RFX1: variants seen among roughly 807,000 people sequenced by gnomAD.
RFX1 encodes the protein regulatory factor X1, also known as MHC class II regulatory factor RFX1.
Under a neutral mutation model 119.6 loss-of-function variants are expected in RFX1, and 42 were observed. That is an observed-to-expected ratio of 0.35 (90% confidence interval 0.27 to 0.45). RFX1 has a LOEUF of 0.45. Ranked by LOEUF, RFX1 falls within the 20% of genes least tolerant of loss-of-function variation. The pLI is 1.00. For synonymous variants in RFX1, 628 were observed against 618.5 expected, an observed-to-expected ratio of 1.02 and a Z score of -0.23; for missense variants, 1,118 against 1,368.1, an observed-to-expected ratio of 0.82 and a Z score of 2.88.
In RFX1 at chr19:13,980,679, A is replaced by C. The variant is rs781108974; in HGVS notation, c.632T>G (p.Val211Gly). 49 of 1,586,560 alleles carry C rather than the reference A, an allele frequency of 3.1e-5. No homozygotes were observed. Among genetic ancestry groups the C allele is most frequent in the Non-Finnish European group, 3.9e-5 (46 of 1,172,218 alleles). The change falls in exon 6 of 21, where the codon GTG becomes GGG. Residue 211 changes from valine (V) to glycine (G), a missense_variant. Coordinates refer to ENST00000254325, the MANE Select transcript of RFX1 (RefSeq NM_002918.5). This position sits in a 1 kb window ranked among gnomAD's most constrained non-coding sequence, Gnocchi z 5.1. Reference sequence around the variant, plus strand: ...CTTGCTGGAAGAGCTGTTGGCCTGCACCGGCGACTGCTGTAAGGGAAGGAG... The same window carrying C: ...CTTGCTGGAAGAGCTGTTGGCCTGCCCCGGCGACTGCTGTAAGGGAAGGAG... ...QVHSPPEQSP[V>G]QANSSSSKTA... is the part of the protein sequence containing the mutation.
chr19:14,004,153 G>A (rs1384965855), intron 1 of RFX1, among the ~76,000 whole-genome samples: 2 of 151,990 alleles, frequency 1.3e-5, no homozygotes, highest in African/African-American at 4.8e-5. Flanking sequence ...GCCCACCTCA[G>A]CCTCCCAAAG....
At chr19:14,001,374 C>T (rs1235870341) in intron 1 of RFX1, among the ~76,000 whole-genome samples, 1 of 152,148 alleles carries the variant, frequency 6.6e-6, no homozygotes, top group Non-Finnish European at 1.5e-5. Context: ...AATCACAGCT[C>T]ACTGTAACCT....
In RFX1 at chr19:13,966,577, C is replaced by A. The variant is rs1315810514; in HGVS notation, c.1852-47G>T. 3.3e-6 allele frequency: 5 copies of A among 1,522,570 alleles called. No homozygotes were observed. In the Admixed American group the frequency reaches 7.4e-5, roughly 23 times the overall value. The allele number at this position is 1,522,570 out of a possible 1,614,324, so 94.3% of individuals were successfully genotyped here. On this transcript the variant is annotated intron_variant, in intron 13 of 20. Coordinates refer to ENST00000254325, the MANE Select transcript of RFX1 (RefSeq NM_002918.5). This position sits in a 1 kb window ranked among gnomAD's most constrained non-coding sequence, Gnocchi z 6.3. ...AGGGAGGCTGGGGGGCAGCATGGCC[C>A]TCCCATGCCCGTGGCTGCGTCCCCG... is the stretch of plus-strand genomic sequence containing the variant.
chr19:13,972,617 TCTC>T, intron 9 of RFX1, 123 bp downstream of exon 9: 1 of 684,006 alleles, frequency 1.5e-6, no homozygotes, highest in South Asian at 1.9e-5. Flanking sequence ...CTGCATATGT[TCTC>T]TTCATTGGGG....
At chr19:13,977,495 C>A (rs1974284888) in intron 8 of RFX1, among the ~76,000 whole-genome samples, 1 of 151,584 alleles carries the variant, frequency 6.6e-6, no homozygotes, top group Non-Finnish European at 1.5e-5. Context: ...CAGCTCACTG[C>A]AACCTCCGCC....
At position 13,990,743 on chromosome 19, in the gene RFX1, G is replaced by A. The variant is rs958351890; in HGVS notation, c.319+2782C>T. The stretch of plus-strand genomic sequence containing the variant: ...GAGGCAGGAGAATGGTGTGAACCCC[G>A]GAGGCAGAGCTTGCAGTGAGCCGAG... On this transcript the variant is annotated intron_variant, in intron 2 of 20. Transcript: ENST00000254325. This position sits in a 1 kb window ranked among gnomAD's most constrained non-coding sequence, Gnocchi z 4.1. 2.6e-5 allele frequency among the ~76,000 whole-genome samples: 4 copies of A among 152,062 alleles called. No homozygotes were observed. Among genetic ancestry groups the A allele is most frequent in the Admixed American group, 1.3e-4 (2 of 15,244 alleles).
chr19:14,005,910 C>T (rs993364881), intron 1 of RFX1, among the ~76,000 whole-genome samples, 193 bp downstream of exon 1: 1 of 151,410 alleles, frequency 6.6e-6, no homozygotes, highest in Admixed American at 6.6e-5. Flanking sequence ...TCGCGGGGGC[C>T]GGGCCGCGGG....
intron 1 of RFX1, among the ~76,000 whole-genome samples, chr19:13,995,051 G>A (rs1237208418): frequency 3.3e-5 from 5 of 150,622 alleles, no homozygotes; most frequent in African/African-American, 9.8e-5. Context: ...GATTCTAGGT[G>A]TGAGCCACCA....
chr19:13,993,947 A>G lies in RFX1; in HGVS notation c.-52-52T>C. On this transcript the variant is annotated intron_variant, in intron 1 of 20. Coordinates refer to ENST00000254325, the MANE Select transcript of RFX1 (RefSeq NM_002918.5). ...AGAGAAAAACAAAACAAAACAAAAG[A>G]AGGAAAAACAGGAATTAATCCACAG... 3 of 1,019,238 alleles carry G rather than the reference A, an allele frequency of 2.9e-6. No homozygotes were observed. The South Asian group carries it at 4.8e-5, about 16-fold the overall frequency. 63.1% of individuals were successfully genotyped at this position (1,019,238 alleles called of 1,614,324 possible). A position where few individuals can be genotyped will look rare whatever the true frequency, so the allele number is the denominator to read the frequency against.
intron 1 of RFX1, among the ~76,000 whole-genome samples, chr19:14,002,845 T>C (rs1353247983): frequency 1.3e-5 from 2 of 152,200 alleles, no homozygotes; most frequent in Non-Finnish European, 2.9e-5. Context: ...CTCAGGTACA[T>C]GACAGAGGAG....
At position 13,982,221 on chromosome 19, in the gene RFX1, G is replaced by C; in HGVS notation, c.521C>G (p.Pro174Arg). The C allele has an allele frequency of 5.3e-6, 7 of 1,310,574 alleles. No individual in the cohort carries two copies. Among genetic ancestry groups the C allele is most frequent in the Non-Finnish European group, 6.9e-6 (7 of 1,020,706 alleles). 81.2% of individuals were successfully genotyped at this position (1,310,574 alleles called of 1,614,324 possible). The change falls in exon 5 of 21, where the codon CCC becomes CGC. Residue 174 changes from proline (P) to arginine (R), a missense_variant. Pro to Arg is a moderately radical substitution (Grantham distance 103, BLOSUM62 -2). Transcript: ENST00000254325. The stretch of plus-strand genomic sequence containing the variant: ...GCTCTGCACCACCAGACGCTGCGTG[G>C]GAAGAGCCTGGGGCCAGGGAGGGAG... The part of the protein sequence containing the change: ...TNIQVPQQAL[P>R]TQRLVVQSAA...
At chr19:14,001,489 T>TG (rs34147180) in intron 1 of RFX1, among the ~76,000 whole-genome samples, 2 of 152,100 alleles carry the variant, frequency 1.3e-5, no homozygotes, top group Non-Finnish European at 2.9e-5. Context: ...TTTTAAGAGA[T>TG]GGGGTCTCGC....
intron 9 of RFX1, among the ~76,000 whole-genome samples, chr19:13,971,729 G>A (rs749841491): frequency 9.9e-5 from 15 of 152,040 alleles, no homozygotes; most frequent in Non-Finnish European, 1.9e-4. Context: ...TTTAAAATCC[G>A]CCAGGCGTGG....
chr19:13,962,607 T>G lies in RFX1; in HGVS notation c.*88A>C, dbSNP rs966466584. 46 of 1,121,334 alleles carry G rather than the reference T, an allele frequency of 4.1e-5. No homozygotes were observed. The highest frequency in any genetic ancestry group is 6.6e-5 in the Admixed American group (2 of 30,424). 69.5% of individuals were successfully genotyped at this position (1,121,334 alleles called of 1,614,324 possible). ...TCCCCCTCCCTGCCCTGGCTGAGGC[T>G]GGAGCAGTGACCACGAAGCCACAGA... On this transcript the variant is annotated 3_prime_UTR_variant, in exon 21 of 21. Coordinates refer to ENST00000254325, the MANE Select transcript of RFX1 (RefSeq NM_002918.5).
Position 13,973,078 on chromosome 19 carries a change from C to T in RFX1, c.979G>A (p.Ala327Thr), listed in dbSNP as rs746046482. The T allele has an allele frequency of 4.5e-5, 72 of 1,601,334 alleles. No individual in the cohort carries two copies. The highest frequency in any genetic ancestry group is 5.2e-5 in the Non-Finnish European group (61 of 1,179,874). Residue 327 changes from alanine (A) to threonine (T), a missense_variant, in exon 9 of 21, where the codon GCA becomes ACA. Coordinates refer to ENST00000254325, the MANE Select transcript of RFX1 (RefSeq NM_002918.5). The stretch of plus-strand genomic sequence containing the variant: ...GCGGCCTCGTAGTAGCTGGTGCTTG[C>T]CGTCTGCGTGTACAGCGGCGTCTCG... Reference protein sequence around the residue: ...YPETPLYTQTASTSYYEAAGT... With the variant: ...YPETPLYTQTTSTSYYEAAGT...
intron 12 of RFX1, among the ~76,000 whole-genome samples, chr19:13,967,643 A>G (rs766717839): frequency 3.3e-5 from 5 of 150,900 alleles, no homozygotes; most frequent in Non-Finnish European, 5.9e-5. Context: ...CACCCGGCTA[A>G]TTTTGGTATT....
In RFX1 at chr19:13,980,744, A is replaced by ATCCTCTCTGT; in HGVS notation, c.622-56_622-55insACAGAGAGGA. On this transcript the variant is annotated intron_variant, in intron 5 of 20. Transcript: ENST00000254325. The surrounding 1 kb of genome is among the most constrained non-coding windows in gnomAD (Gnocchi z 5.1). ...CTGGGGTGGGCTTGCATCCTCTCTG[A>ATCCTCTCTGT]GGTGGGCTCACACACACACCCTTCT... 8.9e-6 allele frequency: 2 copies of ATCCTCTCTGT among 223,796 alleles called. No individual in the cohort carries two copies. Among genetic ancestry groups the ATCCTCTCTGT allele is most frequent in the Non-Finnish European group, 1.2e-5 (2 of 166,422 alleles). 13.9% of individuals were successfully genotyped at this position (223,796 alleles called of 1,614,324 possible).
At position 13,994,893 on chromosome 19, in the gene RFX1, CATATATATATATATATATAT is replaced by C. The variant is rs566150731; in HGVS notation, c.-52-1018_-52-999del. On this transcript the variant is annotated intron_variant, in intron 1 of 20. Transcript: ENST00000254325. ...GTATATGTATATTGAAATATACATA[CATATATATATATATATATAT>C]ATATATATATATATATATATATATA... Among the ~76,000 whole-genome samples, 285 of 59,318 alleles carry C rather than the reference CATATATATATATATATATAT, an allele frequency of 4.8e-3. 4 individuals carry two copies. Among genetic ancestry groups the C allele is most frequent in the African/African-American group, 0.014 (243 of 17,640 alleles). The allele number at this position is 59,318 out of a possible 152,430, so 38.9% of individuals were successfully genotyped here. A position where few individuals can be genotyped will look rare whatever the true frequency, so the allele number is the denominator to read the frequency against.
chr19:13,992,912 G>A (rs1282907064), intron 2 of RFX1, among the ~76,000 whole-genome samples: 2 of 152,128 alleles, frequency 1.3e-5, no homozygotes, highest in Admixed American at 6.6e-5. Context: ...CAGGAGGATC[G>A]CTTGAGTCCA....
Sources: gnomAD v4.1 joint callset for allele counts (sites outside exome capture counted in the v4.1 genomes callset) on GRCh38, gnomAD v4.1.1 for gene constraint, Gnocchi (gnomAD v3.1) non-coding constraint, MANE v1.5 for transcripts, NCBI Gene and HGNC (gene_info 2026-07-23, HGNC 2026-07-21) for gene names.